The following CACNA2D3 variants were observed in gnomAD, a reference collection of about 807,000 sequenced individuals.
The protein encoded by CACNA2D3 is calcium voltage-gated channel auxiliary subunit alpha2delta 3.
A neutral mutation model predicts 160.6 loss-of-function variants in CACNA2D3; 60 were observed. The ratio of observed to expected loss-of-function variants is 0.37; its 90% confidence interval spans 0.30 to 0.46. The LOEUF (loss-of-function observed/expected upper bound fraction) is 0.46, where lower values mean the gene tolerates loss of function less well. Ranked by LOEUF, CACNA2D3 falls within the 20% of genes least tolerant of loss-of-function variation. The pLI is 1.00. For missense variants in CACNA2D3, 1,205 were observed against 1,365.0 expected (o/e 0.88, Z 1.85); for synonymous variants, 558 against 492.9 (o/e 1.13, Z -1.75).
At chr3:54,397,560 T>C (rs1224357366) in intron 4 of CACNA2D3, among the ~76,000 whole-genome samples, 3 of 144,496 alleles carry the variant, frequency 2.1e-5, no homozygotes, top group Non-Finnish European at 4.5e-5. Flanking sequence ...ATTTCTGTCT[T>C]CATTTCGTTA....
intron 6 of CACNA2D3, among the ~76,000 whole-genome samples, chr3:54,569,170 G>A (rs1038761669): frequency 1.3e-5 from 2 of 152,262 alleles, no homozygotes; most frequent in East Asian, 3.9e-4. Flanking sequence ...AAGGATGTTG[G>A]ATCTGATTTT....
At chr3:54,250,778 C>G (rs1702173297) in intron 2 of CACNA2D3, among the ~76,000 whole-genome samples, 1 of 152,104 alleles carries the variant, frequency 6.6e-6, no homozygotes, top group African/African-American at 2.4e-5. Context: ...AAGCATGCAA[C>G]TCCTAGGGGG....
chr3:54,898,006 A>G (rs755291410), intron 26 of CACNA2D3, among the ~76,000 whole-genome samples: 5 of 152,108 alleles, frequency 3.3e-5, no homozygotes, highest in African/African-American at 4.8e-5. Context: ...ACCTGTGTGT[A>G]TGCCTGCCTG....
At chr3:54,438,055 T>C (rs1700086292) in intron 4 of CACNA2D3, among the ~76,000 whole-genome samples, 1 of 151,940 alleles carries the variant, frequency 6.6e-6, no homozygotes, top group African/African-American at 2.4e-5. Flanking sequence ...ACTAGAGTTA[T>C]AAAAAAAACT....
At chr3:54,465,905 A>T (rs1700615384) in intron 4 of CACNA2D3, among the ~76,000 whole-genome samples, 1 of 152,132 alleles carries the variant, frequency 6.6e-6, no homozygotes, top group Non-Finnish European at 1.5e-5. Context: ...ATCTGGAAAG[A>T]TTGACTTCCT....
intron 17 of CACNA2D3, among the ~76,000 whole-genome samples, chr3:54,850,485 T>C (rs1312331238): frequency 6.6e-6 from 1 of 152,226 alleles, no homozygotes; most frequent in East Asian, 1.9e-4. Context: ...ATAATTCCTT[T>C]GTATTTGAGA....
At chr3:54,363,507 G>A (rs946432398) in intron 3 of CACNA2D3, among the ~76,000 whole-genome samples, 1 of 152,082 alleles carries the variant, frequency 6.6e-6, no homozygotes, top group Non-Finnish European at 1.5e-5. Context: ...ACTTCTTCTG[G>A]TCAGTTCATC....
intron 4 of CACNA2D3, among the ~76,000 whole-genome samples, chr3:54,437,959 G>A (rs1700084697): frequency 6.6e-6 from 1 of 152,176 alleles, no homozygotes; most frequent in African/African-American, 2.4e-5. Context: ...CTTTGATGAG[G>A]TAGGAGGATG....
intron 4 of CACNA2D3, among the ~76,000 whole-genome samples, chr3:54,464,654 C>G (rs1055160326): frequency 2.6e-5 from 4 of 152,222 alleles, no homozygotes; most frequent in Admixed American, 6.5e-5. Flanking sequence ...TGGGAGTGAC[C>G]CAATTTTCCA....
chr3:54,582,573 C>T (rs559704432), intron 9 of CACNA2D3, among the ~76,000 whole-genome samples: 1 of 152,290 alleles, frequency 6.6e-6, no homozygotes, highest in East Asian at 1.9e-4. Context: ...TTGACAGTTT[C>T]ACTTGAAGGT....
chr3:54,862,047 C>T (rs993681466), intron 17 of CACNA2D3, among the ~76,000 whole-genome samples: 1 of 152,104 alleles, frequency 6.6e-6, no homozygotes, highest in Non-Finnish European at 1.5e-5. Context: ...CCTATCCGGT[C>T]GAGAAGACGG....
chr3:54,796,776 A>G (rs1702873989), intron 13 of CACNA2D3, among the ~76,000 whole-genome samples: 1 of 152,198 alleles, frequency 6.6e-6, no homozygotes, highest in African/African-American at 2.4e-5. Flanking sequence ...TGGATAAAAG[A>G]GCTACATAGT....
chr3:54,929,272 T>C (rs1278576205), intron 27 of CACNA2D3, among the ~76,000 whole-genome samples: 1 of 152,194 alleles, frequency 6.6e-6, no homozygotes, highest in African/African-American at 2.4e-5. Context: ...GTACACGACA[T>C]GGCCCAGAGT....
chr3:54,795,466 A>G (rs755818446), intron 13 of CACNA2D3, among the ~76,000 whole-genome samples: 3 of 152,142 alleles, frequency 2.0e-5, no homozygotes, highest in Non-Finnish European at 4.4e-5. Flanking sequence ...GCATAATGAC[A>G]TTGTGATGGT....
intron 2 of CACNA2D3, among the ~76,000 whole-genome samples, chr3:54,199,238 C>T (rs989963808): frequency 6.6e-6 from 1 of 152,168 alleles, no homozygotes; most frequent in Non-Finnish European, 1.5e-5. Context: ...CCTCTGTATC[C>T]CCACTGCCCT....
chr3:54,862,378 TACACACACAC>T (rs113055285), intron 17 of CACNA2D3, among the ~76,000 whole-genome samples: 5 of 149,666 alleles, frequency 3.3e-5, no homozygotes, highest in African/African-American at 7.3e-5. Context: ...TAAATAAAAT[TACACACACAC>T]ACACACACAC....
intron 26 of CACNA2D3, among the ~76,000 whole-genome samples, 157 bp from the exon 27 acceptor site, chr3:54,899,631 C>T (rs1181086946): frequency 6.6e-6 from 1 of 152,178 alleles, no homozygotes; most frequent in African/African-American, 2.4e-5. Flanking sequence ...GGCCTGGCAG[C>T]GTAGGCAGAG....
At chr3:54,893,474 G>A (rs1575536080) in intron 25 of CACNA2D3, among the ~76,000 whole-genome samples, 3 of 151,870 alleles carry the variant, frequency 2.0e-5, no homozygotes, top group Admixed American at 2.0e-4. Context: ...ATTGTCTTAG[G>A]GTCTTACCTG....
intron 4 of CACNA2D3, among the ~76,000 whole-genome samples, chr3:54,496,707 G>A (rs920567182): frequency 1.3e-5 from 2 of 152,042 alleles, no homozygotes; most frequent in African/African-American, 4.8e-5. Flanking sequence ...AGAAATCAAC[G>A]CCTACCTGGA....
Sources: gnomAD v4.1 joint callset for allele counts (sites outside exome capture counted in the v4.1 genomes callset) on GRCh38, gnomAD v4.1.1 for gene constraint, MANE v1.5 for transcripts, NCBI Gene and HGNC (gene_info 2026-07-23, HGNC 2026-07-21) for gene names.